NKAIN2: variants seen among roughly 807,000 people sequenced by gnomAD.
NKAIN2 encodes the protein sodium/potassium transporting ATPase interacting 2, also known as sodium/potassium-transporting ATPase subunit beta-1-interacting protein 2.
In NKAIN2, 14 loss-of-function variants were observed where a neutral mutation model predicts 32.6. That is an observed-to-expected ratio of 0.43 (90% CI 0.28 to 0.67). NKAIN2 has a LOEUF of 0.67. Among genes scored for constraint, NKAIN2 ranks in the 30% least tolerant of loss-of-function variants. The pLI is 0.17. For missense variants in NKAIN2, 198 were observed against 258.3 expected (o/e 0.77, Z 1.60); for synonymous variants, 80 against 87.2 (o/e 0.92, Z 0.46).
intron 3 of NKAIN2, among the ~76,000 whole-genome samples, chr6:124,614,944 G>A (rs1782827888): frequency 6.6e-6 from 1 of 152,200 alleles, no homozygotes; most frequent in Non-Finnish European, 1.5e-5. Flanking sequence ...CTTGAAGTCA[G>A]GGCCTCTATC....
At chr6:124,540,085 T>C (rs1452443338) in intron 3 of NKAIN2, among the ~76,000 whole-genome samples, 1 of 152,232 alleles carries the variant, frequency 6.6e-6, no homozygotes, top group Non-Finnish European at 1.5e-5. Context: ...GTGTCTTCTG[T>C]AGCAGAAAGG....
intron 1 of NKAIN2, among the ~76,000 whole-genome samples, chr6:123,910,659 C>A (rs1169885384): frequency 6.6e-6 from 1 of 151,720 alleles, no homozygotes; most frequent in Non-Finnish European, 1.5e-5. Flanking sequence ...GCACGCACAA[C>A]CATGCCCAGC....
intron 2 of NKAIN2, among the ~76,000 whole-genome samples, chr6:124,294,118 G>T (rs1795943696): frequency 6.6e-6 from 1 of 152,044 alleles, no homozygotes; most frequent in Non-Finnish European, 1.5e-5. Flanking sequence ...ATGATAGGGT[G>T]GCTGTGTCTG....
chr6:124,417,681 C>G lies in NKAIN2; in HGVS notation c.273+62334C>G, dbSNP rs143858897. 3.9e-5 allele frequency among the ~76,000 whole-genome samples: 6 copies of G among 152,272 alleles called. No homozygotes were observed. The East Asian group carries it at 7.7e-4, about 20-fold the overall frequency. ...GTTTTGTGACTTTGTCTTCAGAACA[C>G]TCTTTGTAGAACTCATAGGCATATT... On this transcript the variant is annotated intron_variant, in intron 3 of 6. Transcript: ENST00000368417.
chr6:124,412,488 G>A (rs184945807), intron 3 of NKAIN2, among the ~76,000 whole-genome samples: 138 of 152,254 alleles, frequency 9.1e-4, no homozygotes, highest in Middle Eastern at 3.4e-3. Context: ...GCAGAACAGC[G>A]GATATTGGTG....
rs11401372 is a variant in NKAIN2, at chr6:124,327,062, ATT to A, written c.193-28195_193-28194del. ...TGTTGCTCATGAGGTTCCTCAGACTATTTTTTTTTTTCATTTTCTGTCACTTT... is the reference window on the plus strand; with the variant it reads ...TGTTGCTCATGAGGTTCCTCAGACTATTTTTTTTTCATTTTCTGTCACTTT... On this transcript the variant is annotated intron_variant, in intron 2 of 6. Coordinates refer to ENST00000368417, the MANE Select transcript of NKAIN2 (RefSeq NM_001040214.3). 3.5e-5 allele frequency among the ~76,000 whole-genome samples: 5 copies of A among 144,048 alleles called. No homozygotes were observed. The East Asian group carries it at 1.0e-3, about 29-fold the overall frequency. The allele number at this position is 144,048 out of a possible 152,430, so 94.5% of individuals were successfully genotyped here.
chr6:124,545,498 A>G (rs1364411142), intron 3 of NKAIN2, among the ~76,000 whole-genome samples: 1 of 152,128 alleles, frequency 6.6e-6, no homozygotes, highest in Non-Finnish European at 1.5e-5. Context: ...TTGGATGACT[A>G]TGACAATTTA....
At chr6:124,323,932 C>A (rs1488266697) in intron 2 of NKAIN2, among the ~76,000 whole-genome samples, 1 of 151,816 alleles carries the variant, frequency 6.6e-6, no homozygotes, top group East Asian at 1.9e-4. Flanking sequence ...GGACTACAGG[C>A]GCCTGCCACC....
At chr6:124,382,377 A>G (rs1772684745) in intron 3 of NKAIN2, among the ~76,000 whole-genome samples, 1 of 152,168 alleles carries the variant, frequency 6.6e-6, no homozygotes, top group Non-Finnish European at 1.5e-5. Flanking sequence ...ACAGTCAGGC[A>G]CCTAGACAAA....
chr6:124,293,619 C>G (rs1795916196), intron 2 of NKAIN2, among the ~76,000 whole-genome samples: 1 of 152,056 alleles, frequency 6.6e-6, no homozygotes, highest in Admixed American at 6.6e-5. Flanking sequence ...TTTTCCACTT[C>G]TTGAATGATT....
intron 2 of NKAIN2, among the ~76,000 whole-genome samples, chr6:124,351,704 C>T (rs1798742656): frequency 6.7e-6 from 1 of 149,888 alleles, no homozygotes; most frequent in Non-Finnish European, 1.5e-5. Flanking sequence ...TCACTGCAAC[C>T]TCTGCCTCCT....
At chr6:124,510,038 A>C (rs1386211768) in intron 3 of NKAIN2, among the ~76,000 whole-genome samples, 1 of 152,168 alleles carries the variant, frequency 6.6e-6, no homozygotes, top group Non-Finnish European at 1.5e-5. Flanking sequence ...TTAACACATG[A>C]ACAATTCATT....
chr6:124,408,120 C>G (rs1433863965), intron 3 of NKAIN2, among the ~76,000 whole-genome samples: 2 of 151,706 alleles, frequency 1.3e-5, no homozygotes, highest in Non-Finnish European at 2.9e-5. Context: ...GAGTAGATTG[C>G]GAAAATTTTC....
rs182333029 is a variant in NKAIN2 at position 123,856,165 on chromosome 6, C to T, written c.54+51911C>T. 2.6e-3 allele frequency among the ~76,000 whole-genome samples: 396 copies of T among 152,182 alleles called. 2 individuals carry two copies. Among genetic ancestry groups the T allele is most frequent in the Middle Eastern group, 0.014 (4 of 292 alleles). On this transcript the variant is annotated intron_variant, in intron 1 of 6. Transcript: ENST00000368417. ...TTAGACCTTGCAATAAAACCCCTTCCTTTTTTTCCTCCTAGACATGTAGAA... is the reference window on the plus strand; with the variant it reads ...TTAGACCTTGCAATAAAACCCCTTCTTTTTTTTCCTCCTAGACATGTAGAA...
intron 1 of NKAIN2, among the ~76,000 whole-genome samples, chr6:124,018,388 AG>A (rs1221659565): frequency 6.6e-6 from 1 of 152,202 alleles, no homozygotes; most frequent in African/African-American, 2.4e-5. Flanking sequence ...TTTGACTTCT[AG>A]TTACTTATGC....
chr6:124,449,789 C>T (rs559313736), intron 3 of NKAIN2, among the ~76,000 whole-genome samples: 5 of 152,114 alleles, frequency 3.3e-5, no homozygotes, highest in South Asian at 4.1e-4. Flanking sequence ...TTGGCATAGT[C>T]GTGATGGTTT....
chr6:124,577,569 A>G (rs1418404287), intron 3 of NKAIN2, among the ~76,000 whole-genome samples: 1 of 152,182 alleles, frequency 6.6e-6, no homozygotes, highest in Non-Finnish European at 1.5e-5. Context: ...AATTCTGGTA[A>G]GCCTCACCAA....
At chr6:124,450,677 T>C (rs1183286017) in intron 3 of NKAIN2, among the ~76,000 whole-genome samples, 2 of 151,870 alleles carry the variant, frequency 1.3e-5, no homozygotes, top group Admixed American at 6.6e-5. Flanking sequence ...GATTCTGAGA[T>C]TGGAAAAGCA....
chr6:124,067,123 C>T (rs1454847097), intron 1 of NKAIN2, among the ~76,000 whole-genome samples: 1 of 152,070 alleles, frequency 6.6e-6, no homozygotes, highest in East Asian at 1.9e-4. Context: ...CTACTCAGTT[C>T]CTTTTAGGCT....
Sources: gnomAD v4.1 joint callset for allele counts (sites outside exome capture counted in the v4.1 genomes callset) on GRCh38, gnomAD v4.1.1 for gene constraint, MANE v1.5 for transcripts, NCBI Gene and HGNC (gene_info 2026-07-23, HGNC 2026-07-21) for gene names.